The following PRKD1 variants were observed in gnomAD, a reference collection of about 807,000 sequenced individuals.
The protein encoded by PRKD1 is serine/threonine-protein kinase D1.
Under a neutral mutation model 95.9 loss-of-function variants are expected in PRKD1, and 63 were observed. That is an observed-to-expected ratio of 0.66 (90% CI 0.54 to 0.81). PRKD1 has a LOEUF of 0.81. Among genes scored for constraint, PRKD1 ranks in the 30% least tolerant of loss-of-function variants. The pLI, the probability that PRKD1 is intolerant of heterozygous loss-of-function variation, is 0.00. For synonymous variants in PRKD1, 425 were observed against 423.1 expected, an observed-to-expected ratio of 1.00 and a Z score of -0.05; for missense variants, 1,048 against 1,165.3, an observed-to-expected ratio of 0.90 and a Z score of 1.47.
In PRKD1 at chr14:29,599,135, A is replaced by C. The variant is rs1594350459; in HGVS notation, c.2068-10T>G. ...GCAAAGCCACGAGTATCTGTAAAGA[A>C]GAATCACCAAAATTTCATTCCAGTT... On this transcript the variant is annotated splice_polypyrimidine_tract_variant and intron_variant, in intron 14 of 17. Transcript: ENST00000331968. 5 of 1,604,270 alleles carry C rather than the reference A, an allele frequency of 3.1e-6. No homozygotes were observed. The East Asian group carries it at 8.9e-5, about 29-fold the overall frequency.
rs1881714083 is a variant in PRKD1, at chr14:29,654,405, C to G, written c.696+9294G>C. Among the ~76,000 whole-genome samples the G allele has an allele frequency of 2.0e-5, 3 of 152,188 alleles. No individual in the cohort carries two copies. In the East Asian group the frequency reaches 5.8e-4, roughly 29 times the overall value. On this transcript the variant is annotated intron_variant, in intron 4 of 17. Transcript: ENST00000331968. ...ACCAGGCTGGTCTCGAACTTCTGGCCTCAAGTGATCTGCCTGTCTCGGCCT... is the reference window on the plus strand; with the variant it reads ...ACCAGGCTGGTCTCGAACTTCTGGCGTCAAGTGATCTGCCTGTCTCGGCCT...
chr14:29,620,271 C>T (rs1404263728), intron 13 of PRKD1, among the ~76,000 whole-genome samples: 1 of 151,826 alleles, frequency 6.6e-6, no homozygotes, highest in Non-Finnish European at 1.5e-5. Context: ...TGAGCAAGGA[C>T]TTCATATCTA....
intron 1 of PRKD1, among the ~76,000 whole-genome samples, chr14:29,841,658 C>T (rs1184748277): frequency 1.3e-5 from 2 of 152,280 alleles, no homozygotes; most frequent in Admixed American, 6.5e-5. Flanking sequence ...GTCCATTAAA[C>T]CTCTGTTTCT....
chr14:29,870,354 A>G (rs1324458626), intron 1 of PRKD1, among the ~76,000 whole-genome samples: 1 of 152,180 alleles, frequency 6.6e-6, no homozygotes. Context: ...GCACGTCTCA[A>G]TGTACCCACC....
chr14:29,622,435 A>C (rs1249609458), intron 13 of PRKD1, among the ~76,000 whole-genome samples: 7 of 126,306 alleles, frequency 5.5e-5, no homozygotes, highest in South Asian at 2.5e-4. Context: ...TAGGAATCTC[A>C]CTCTGTTGCC....
chr14:29,790,821 G>A (rs1048938982), intron 1 of PRKD1, among the ~76,000 whole-genome samples: 4 of 152,098 alleles, frequency 2.6e-5, no homozygotes, highest in African/African-American at 9.7e-5. Flanking sequence ...AGTTAGTCTT[G>A]CATTTTAAAG....
At chr14:29,855,947 T>C (rs923819626) in intron 1 of PRKD1, among the ~76,000 whole-genome samples, 3 of 152,234 alleles carry the variant, frequency 2.0e-5, no homozygotes, top group African/African-American at 7.2e-5. Flanking sequence ...ATTAAACCTC[T>C]TTCTTTTGTA....
chr14:29,612,990 C>T (rs773836491), intron 13 of PRKD1, among the ~76,000 whole-genome samples: 3 of 151,900 alleles, frequency 2.0e-5, no homozygotes, highest in African/African-American at 4.8e-5. Flanking sequence ...CCCAGCTACT[C>T]GGGAGGCTGA....
chr14:29,848,695 C>G (rs1046050894), intron 1 of PRKD1, among the ~76,000 whole-genome samples: 2 of 151,612 alleles, frequency 1.3e-5, no homozygotes, highest in African/African-American at 4.8e-5. Flanking sequence ...TACAAAGAAA[C>G]AGAAAACTAT....
At chr14:29,760,983 C>T (rs985604768) in intron 1 of PRKD1, among the ~76,000 whole-genome samples, 1 of 152,062 alleles carries the variant, frequency 6.6e-6, no homozygotes, top group Non-Finnish European at 1.5e-5. Flanking sequence ...TGCTCTGTCA[C>T]CCAGGCTGCA....
At chr14:29,837,007 T>G (rs921967387) in intron 1 of PRKD1, among the ~76,000 whole-genome samples, 12 of 152,186 alleles carry the variant, frequency 7.9e-5, no homozygotes, top group Non-Finnish European at 1.8e-4. Flanking sequence ...TAGTTTCTGA[T>G]GAGTATAGTT....
In PRKD1 at chr14:29,632,933, T is replaced by A; in HGVS notation, c.1328A>T (p.Tyr443Phe). Residue 443 changes from tyrosine (Y) to phenylalanine (F), a missense_variant, in exon 9 of 18, where the codon TAT becomes TTT. By Grantham distance (22) the Tyr-to-Phe change is conservative (BLOSUM62 3). Transcript: ENST00000331968. ...AATACATTTGCTATCCAATCTCCAA[T>A]AGTGCCGTTTCCGCTGAAACAGAAG... Reference protein sequence around the residue: ...TSKDTLRKRHYWRLDSKCITL... With the variant: ...TSKDTLRKRHFWRLDSKCITL... The A allele has an allele frequency of 6.2e-7, 1 of 1,613,488 alleles. No individual in the cohort carries two copies. The highest frequency in any genetic ancestry group is 8.5e-7 in the Non-Finnish European group (1 of 1,179,436).
chr14:29,740,536 G>T (rs1209917611), intron 1 of PRKD1, among the ~76,000 whole-genome samples: 2 of 152,126 alleles, frequency 1.3e-5, no homozygotes, highest in Admixed American at 6.6e-5. Flanking sequence ...TCTCAGTTCT[G>T]CTTCTCTTAG....
At chr14:29,583,108 C>T (rs1892802654) in intron 16 of PRKD1, among the ~76,000 whole-genome samples, 1 of 152,290 alleles carries the variant, frequency 6.6e-6, no homozygotes, top group African/African-American at 2.4e-5. Context: ...CCTCAGAAAT[C>T]TGGAGCCCTG....
chr14:29,713,589 A>G (rs895134350), intron 2 of PRKD1, among the ~76,000 whole-genome samples: 10 of 152,168 alleles, frequency 6.6e-5, no homozygotes, highest in Admixed American at 6.6e-4. Context: ...ATGTTTCTGT[A>G]AGCCACCAAA....
At chr14:29,597,109 A>G (rs1468446543) in intron 16 of PRKD1, among the ~76,000 whole-genome samples, 1 of 152,216 alleles carries the variant, frequency 6.6e-6, no homozygotes, top group Non-Finnish European at 1.5e-5. Flanking sequence ...ATGTTATATG[A>G]TCATTAAAAT....
intron 13 of PRKD1, among the ~76,000 whole-genome samples, chr14:29,623,664 G>C (rs1412120246): frequency 1.3e-5 from 2 of 152,164 alleles, no homozygotes; most frequent in Non-Finnish European, 2.9e-5. Flanking sequence ...AATAAGAGAA[G>C]TTAAGTGACA....
chr14:29,643,128 G>A lies in PRKD1; in HGVS notation c.697-4224C>T, dbSNP rs1025719477. ...TTAGCCATATGTTCTATGAATTGGA[G>A]GAGTTTGGATCAACTTACAGGTGTG... On this transcript the variant is annotated intron_variant, in intron 4 of 17. Coordinates refer to ENST00000331968, the MANE Select transcript of PRKD1 (RefSeq NM_002742.3). Among the ~76,000 whole-genome samples the A allele has an allele frequency of 1.4e-4, 22 of 152,138 alleles. 1 individual carries two copies. The highest frequency in any genetic ancestry group is 5.1e-4 in the African/African-American group (21 of 41,532).
intron 1 of PRKD1, among the ~76,000 whole-genome samples, chr14:29,736,605 C>T (rs1594471789): frequency 1.3e-5 from 2 of 152,230 alleles, no homozygotes; most frequent in South Asian, 4.1e-4. Context: ...GCTTTGTGGT[C>T]GTGAGTGCAA....
Sources: gnomAD v4.1 joint callset for allele counts (sites outside exome capture counted in the v4.1 genomes callset) on GRCh38, gnomAD v4.1.1 for gene constraint, MANE v1.5 for transcripts, NCBI Gene and HGNC (gene_info 2026-07-23, HGNC 2026-07-21) for gene names.